Variants in CCDC169 observed in about 807,000 individuals in gnomAD.
The protein encoded by CCDC169 is coiled-coil domain-containing protein 169.
CCDC169 carries 30 observed loss-of-function variants against 36.0 expected under a neutral mutation model. That is an observed-to-expected ratio of 0.83 (90% CI 0.62 to 1.13). CCDC169 has a LOEUF of 1.13. CCDC169 is among the 50% of genes most tolerant of loss of function. The probability of loss-of-function intolerance (pLI) is 0.00; values close to 1 mark genes in which losing one functional copy is unlikely to be tolerated. For synonymous variants in CCDC169, 85 were observed against 81.5 expected (o/e 1.04, Z -0.23); for missense variants, 245 against 245.9 (o/e 1.00, Z 0.03).
intron 2 of CCDC169, among the ~76,000 whole-genome samples, chr13:36,287,993 A>G (rs533549397): frequency 6.6e-6 from 1 of 152,168 alleles, no homozygotes; most frequent in South Asian, 2.1e-4. Flanking sequence ...TAATAGGGAA[A>G]TAACTTTATT....
intron 4 of CCDC169, chr13:36,281,287 G>GAA: frequency 2.3e-6 from 1 of 431,008 alleles, no homozygotes; most frequent in Admixed American, 2.6e-5. Flanking sequence ...AAAAAGAAAA[G>GAA]AGAAAAAAAA....
At chr13:36,232,403 C>A (rs914288525) in intron 7 of CCDC169, among the ~76,000 whole-genome samples, 2 of 152,142 alleles carry the variant, frequency 1.3e-5, no homozygotes, top group African/African-American at 4.8e-5. Context: ...GGGGCATTTG[C>A]TGGAACAATA....
chr13:36,276,599 T>G (rs773166095), intron 4 of CCDC169, among the ~76,000 whole-genome samples: 2 of 152,152 alleles, frequency 1.3e-5, no homozygotes, highest in African/African-American at 4.8e-5. Context: ...TGGTGAGAGA[T>G]TTCCCTGAAG....
At position 36,253,837 on chromosome 13, in the gene CCDC169, T is replaced by G. The variant is rs539132048; in HGVS notation, c.434A>C (p.Asn145Thr). The change falls in exon 6 of 8, where the codon AAT becomes ACT. Residue 145 changes from asparagine (N) to threonine (T), a missense_variant. Transcript: ENST00000239859. The stretch of plus-strand genomic sequence containing the variant: ...TTCAGCTAGGTATGTACGGCGTTCA[T>G]TGTTGATCTTCTGGTAAGCCTGTGT... ...QESKAYQKIN[N>T]ERRTYLAEMS... 1.2e-5 allele frequency: 19 copies of G among 1,551,110 alleles called. No individual in the cohort carries two copies. In the Admixed American group the frequency reaches 2.0e-4, roughly 16 times the overall value.
chr13:36,279,829 C>T (rs1355811270), intron 4 of CCDC169, among the ~76,000 whole-genome samples: 1 of 152,176 alleles, frequency 6.6e-6, no homozygotes, highest in Non-Finnish European at 1.5e-5. Flanking sequence ...GATCATACAA[C>T]TGCAATGCTG....
chr13:36,254,628 AC>A (rs1295857614), intron 4 of CCDC169, among the ~76,000 whole-genome samples: 1 of 152,114 alleles, frequency 6.6e-6, no homozygotes, highest in Non-Finnish European at 1.5e-5. Flanking sequence ...TTGAACCCTA[AC>A]AATATGTCAT....
intron 4 of CCDC169, among the ~76,000 whole-genome samples, chr13:36,273,930 A>G (rs953102550): frequency 4.6e-5 from 7 of 152,192 alleles, no homozygotes; most frequent in African/African-American, 1.7e-4. Context: ...GTGCGTGTTC[A>G]TTCTCTCCAG....
chr13:36,239,604 G>A (rs9575659), intron 7 of CCDC169, among the ~76,000 whole-genome samples: 61,325 of 151,670 alleles, frequency 0.4, 13,110 homozygotes, highest in Non-Finnish European at 0.48. Context: ...GTTAGTGTTT[G>A]TTGAATTAGG....
At chr13:36,289,552 A>G (rs933266983) in intron 2 of CCDC169, among the ~76,000 whole-genome samples, 3 of 152,256 alleles carry the variant, frequency 2.0e-5, no homozygotes, top group African/African-American at 4.8e-5. Flanking sequence ...ATTTTTCATC[A>G]GGTTTAACTT....
intron 6 of CCDC169, among the ~76,000 whole-genome samples, chr13:36,252,042 G>C (rs1240345467): frequency 6.6e-6 from 1 of 152,202 alleles, no homozygotes; most frequent in Non-Finnish European, 1.5e-5. Flanking sequence ...AGTAAGTGCA[G>C]AGCTGGGATT....
At chr13:36,291,989 C>CTTT in intron 2 of CCDC169, among the ~76,000 whole-genome samples, 1 of 134,872 alleles carries the variant, frequency 7.4e-6, no homozygotes, top group South Asian at 2.4e-4. Context: ...AATAAGTCTT[C>CTTT]TTTTTTTTTT....
At chr13:36,275,624 G>A (rs1215019101) in intron 4 of CCDC169, among the ~76,000 whole-genome samples, 1 of 152,066 alleles carries the variant, frequency 6.6e-6, no homozygotes, top group Non-Finnish European at 1.5e-5. Context: ...TTTAATGACT[G>A]GTTATCAGGC....
intron 4 of CCDC169, among the ~76,000 whole-genome samples, chr13:36,275,603 G>C (rs1421749189): frequency 6.6e-6 from 1 of 152,100 alleles, no homozygotes; most frequent in Admixed American, 6.5e-5. Context: ...TAGTGCTCTA[G>C]TGTCACTAAT....
intron 7 of CCDC169, 44 bp downstream of exon 7, chr13:36,248,562 T>G: frequency 2.6e-6 from 4 of 1,534,362 alleles, no homozygotes; most frequent in Non-Finnish European, 3.5e-6. Context: ...GGCATTTATG[T>G]GCAAATGTAA....
At chr13:36,239,486 C>T (rs182410919) in intron 7 of CCDC169, among the ~76,000 whole-genome samples, 2 of 152,154 alleles carry the variant, frequency 1.3e-5, no homozygotes, top group Admixed American at 6.5e-5. Context: ...AAAACAGACA[C>T]TTGCAGTTCC....
rs1879387599 is a variant in CCDC169, at chr13:36,295,633, A to T, written c.163+145T>A. ...AAGTATCAGTTTTAAAGCCTCTATC[A>T]TAAACTATCATTAATGTGGCCAAAA... On this transcript the variant is annotated intron_variant, in intron 2 of 7. Transcript: ENST00000239859. 4 of 462,494 alleles carry T rather than the reference A, an allele frequency of 8.6e-6. No individual in the cohort carries two copies. The East Asian group carries it at 1.4e-4, about 16-fold the overall frequency. 28.6% of individuals were successfully genotyped at this position (462,494 alleles called of 1,614,324 possible).
chr13:36,235,559 A>G (rs919288219), intron 7 of CCDC169, among the ~76,000 whole-genome samples: 1 of 151,998 alleles, frequency 6.6e-6, no homozygotes, highest in South Asian at 2.1e-4. Flanking sequence ...TCTCTCTAAG[A>G]TAAGGAACAA....
At chr13:36,295,999 A>C (rs575848539) in intron 1 of CCDC169, 142 bp from the exon 2 acceptor site, 2 of 539,084 alleles carry the variant, frequency 3.7e-6, no homozygotes, top group South Asian at 5.6e-5. Flanking sequence ...AATAAGACTC[A>C]GGCAAAGGAA....
At chr13:36,246,967 A>C (rs1872573222) in intron 7 of CCDC169, among the ~76,000 whole-genome samples, 1 of 152,206 alleles carries the variant, frequency 6.6e-6, no homozygotes, top group Non-Finnish European at 1.5e-5. Context: ...GCCTCGCTTC[A>C]AAGCATCAAA....
Sources: gnomAD v4.1 joint callset for allele counts (sites outside exome capture counted in the v4.1 genomes callset) on GRCh38, gnomAD v4.1.1 for gene constraint, MANE v1.5 for transcripts, NCBI Gene and HGNC (gene_info 2026-07-23, HGNC 2026-07-21) for gene names.